MCTP1: variants seen among roughly 807,000 people sequenced by gnomAD.
The protein encoded by MCTP1 is multiple C2 and transmembrane domain containing 1, also known as multiple C2 and transmembrane domain-containing protein 1.
MCTP1 carries 69 observed loss-of-function variants against 120.6 expected under a neutral mutation model. The ratio of observed to expected loss-of-function variants is 0.57; its 90% CI spans 0.47 to 0.70. The LOEUF (loss-of-function observed/expected upper bound fraction) is 0.70, where lower values mean the gene tolerates loss of function less well. Among genes scored for constraint, MCTP1 ranks in the 30% least tolerant of loss-of-function variants. MCTP1 has a pLI of 0.00. For synonymous variants in MCTP1, 529 were observed against 493.1 expected, an observed-to-expected ratio of 1.07 and a Z score of -0.96; for missense variants, 1,203 against 1,248.8, an observed-to-expected ratio of 0.96 and a Z score of 0.55.
intron 19 of MCTP1, among the ~76,000 whole-genome samples, chr5:94,747,495 C>T (rs528140003): frequency 6.6e-6 from 1 of 152,174 alleles, no homozygotes; most frequent in East Asian, 1.9e-4. Context: ...ATCTGTGTTG[C>T]CGCTATTCAC....
chr5:94,817,490 C>T (rs1437006135), intron 17 of MCTP1, among the ~76,000 whole-genome samples: 1 of 152,102 alleles, frequency 6.6e-6, no homozygotes, highest in African/African-American at 2.4e-5. Flanking sequence ...TACCTCTTAA[C>T]CTTTGAACTC....
At chr5:95,002,275 G>C (rs1006509354) in intron 2 of MCTP1, among the ~76,000 whole-genome samples, 2 of 152,224 alleles carry the variant, frequency 1.3e-5, no homozygotes, top group African/African-American at 4.8e-5. Flanking sequence ...CGGGGTTGGA[G>C]CCTCGACACA....
At chr5:94,819,518 C>T (rs1213344545) in intron 17 of MCTP1, among the ~76,000 whole-genome samples, 3 of 152,144 alleles carry the variant, frequency 2.0e-5, no homozygotes, top group Admixed American at 1.3e-4. Context: ...TTGAGATAAA[C>T]ACAATATTCA....
At chr5:95,049,366 G>A (rs980862349) in intron 1 of MCTP1, among the ~76,000 whole-genome samples, 2 of 152,090 alleles carry the variant, frequency 1.3e-5, no homozygotes, top group Non-Finnish European at 2.9e-5. Context: ...ACCGTTAAGA[G>A]CAAAGTTTGT....
intron 1 of MCTP1, among the ~76,000 whole-genome samples, chr5:95,220,941 T>A (rs984287986): frequency 6.6e-6 from 1 of 152,174 alleles, no homozygotes; most frequent in Non-Finnish European, 1.5e-5. Context: ...GGTACTAAAT[T>A]GAGACGTGTT....
chr5:95,214,019 C>T (rs1486652312), intron 1 of MCTP1, among the ~76,000 whole-genome samples: 4 of 152,348 alleles, frequency 2.6e-5, no homozygotes, highest in South Asian at 2.1e-4. Context: ...CAAATGGGAT[C>T]TAATTAAACT....
intron 20 of MCTP1, among the ~76,000 whole-genome samples, chr5:94,712,396 T>A (rs760254902): frequency 4.1e-5 from 6 of 147,608 alleles, no homozygotes; most frequent in Non-Finnish European, 7.4e-5. Context: ...CCTGGTATTG[T>A]ATATTGTACT....
chr5:95,233,691 A>G (rs1755220918), intron 1 of MCTP1, among the ~76,000 whole-genome samples: 1 of 152,212 alleles, frequency 6.6e-6, no homozygotes, highest in Non-Finnish European at 1.5e-5. Context: ...ATTAGAAAGG[A>G]TTTTAAACTG....
intron 1 of MCTP1, among the ~76,000 whole-genome samples, chr5:95,057,561 A>G (rs1425552967): frequency 6.6e-6 from 1 of 152,218 alleles, no homozygotes; most frequent in Non-Finnish European, 1.5e-5. Context: ...GATTATTTTA[A>G]AATACTTAAA....
chr5:95,249,160 A>C (rs1247556844), intron 1 of MCTP1, among the ~76,000 whole-genome samples: 1 of 152,194 alleles, frequency 6.6e-6, no homozygotes, highest in Admixed American at 6.5e-5. Flanking sequence ...AAATAGACAA[A>C]TGGGATCTAA....
chr5:94,786,026 T>C (rs1777603274), intron 18 of MCTP1, among the ~76,000 whole-genome samples: 1 of 152,120 alleles, frequency 6.6e-6, no homozygotes, highest in South Asian at 2.1e-4. Flanking sequence ...AATACTACAC[T>C]TTGGGAACAT....
chr5:95,113,616 T>C (rs7719509), intron 1 of MCTP1, among the ~76,000 whole-genome samples: 116,268 of 152,126 alleles, frequency 0.76, 45,238 homozygotes, highest in Admixed American at 0.86. Context: ...AAAGGAATTG[T>C]CCTCCCAGTG....
At chr5:95,177,791 AC>A (rs1562211822) in intron 1 of MCTP1, among the ~76,000 whole-genome samples, 1 of 152,194 alleles carries the variant, frequency 6.6e-6, no homozygotes, top group African/African-American at 2.4e-5. Context: ...TCTATTTAAA[AC>A]CCAAGCTGGT....
intron 1 of MCTP1, among the ~76,000 whole-genome samples, chr5:95,062,599 GC>G (rs1251999158): frequency 6.6e-6 from 1 of 152,146 alleles, no homozygotes; most frequent in Admixed American, 6.5e-5. Flanking sequence ...TGGGATTGGG[GC>G]AAAGGAACTG....
intron 10 of MCTP1, among the ~76,000 whole-genome samples, chr5:94,895,659 G>A (rs771434330): frequency 6.6e-6 from 1 of 152,220 alleles, no homozygotes; most frequent in Non-Finnish European, 1.5e-5. Flanking sequence ...GTCAGAGACA[G>A]ATTAAATTCT....
chr5:95,081,816 C>A, intron 1 of MCTP1: 1 of 1,043,336 alleles, frequency 9.6e-7, no homozygotes, highest in African/African-American at 1.7e-5. Flanking sequence ...ATACTAAAAA[C>A]TTCACCTGCT....
At chr5:95,138,233 A>ACCCC (rs58216046) in intron 1 of MCTP1, among the ~76,000 whole-genome samples, 11,114 of 139,630 alleles carry the variant, frequency 0.08, 585 homozygotes, top group Non-Finnish European at 0.12. Context: ...GTGAGATGCA[A>ACCCC]CCCCCCCCCG....
rs377133753 is a variant in MCTP1 at position 94,885,062 on chromosome 5, A to T, written c.1933+3817T>A. On this transcript the variant is annotated intron_variant, in intron 12 of 22. Transcript: ENST00000515393. Reference sequence around the variant, plus strand: ...AGTGACACATTCTATTAATTGTAAAATTCTCTCTCTCTCCCCCTTTTTCTC... The same window carrying T: ...AGTGACACATTCTATTAATTGTAAATTTCTCTCTCTCTCCCCCTTTTTCTC... Among the ~76,000 whole-genome samples the T allele has an allele frequency of 2.0e-5, 3 of 152,202 alleles. No individual in the cohort carries two copies. The East Asian group carries it at 5.8e-4, about 29-fold the overall frequency.
intron 18 of MCTP1, among the ~76,000 whole-genome samples, chr5:94,783,375 T>C (rs555254826): frequency 6.6e-6 from 1 of 152,274 alleles, no homozygotes; most frequent in East Asian, 1.9e-4. Flanking sequence ...ATAGACCATA[T>C]ATTTTATGTG....
Sources: gnomAD v4.1 joint callset for allele counts (sites outside exome capture counted in the v4.1 genomes callset) on GRCh38, gnomAD v4.1.1 for gene constraint, MANE v1.5 for transcripts, NCBI Gene and HGNC (gene_info 2026-07-23, HGNC 2026-07-21) for gene names.